Variants in SEZ6L observed in about 807,000 individuals in gnomAD.
SEZ6L encodes seizure 6-like protein.
Under a neutral mutation model 106.2 loss-of-function variants are expected in SEZ6L, and 37 were observed. The observed-to-expected ratio is 0.35, with a 90% CI of 0.27 to 0.46. The LOEUF (loss-of-function observed/expected upper bound fraction) is 0.46, where lower values mean the gene tolerates loss of function less well. Ranked by LOEUF, SEZ6L falls within the 20% of genes least tolerant of loss-of-function variation. The probability of loss-of-function intolerance (pLI) is 1.00; values close to 1 mark genes in which losing one functional copy is unlikely to be tolerated. For synonymous variants in SEZ6L, 541 were observed against 570.4 expected (o/e 0.95, Z 0.73); for missense variants, 1,172 against 1,332.8 (o/e 0.88, Z 1.88).
intron 1 of SEZ6L, among the ~76,000 whole-genome samples, chr22:26,247,225 A>G (rs1415926743): frequency 2.0e-5 from 3 of 152,020 alleles, no homozygotes; most frequent in Non-Finnish European, 4.4e-5. Flanking sequence ...AAAATCACTA[A>G]AATAGGCATG....
chr22:26,169,901 C>T, intron 1 of SEZ6L, 138 bp downstream of exon 1: 1 of 402,908 alleles, frequency 2.5e-6, no homozygotes, highest in Non-Finnish European at 4.3e-6. Context: ...AAAATCGGGG[C>T]TAGGAACCGC....
intron 9 of SEZ6L, among the ~76,000 whole-genome samples, chr22:26,326,816 G>A (rs2082318506): frequency 1.3e-5 from 2 of 152,334 alleles, no homozygotes; most frequent in South Asian, 4.1e-4. Flanking sequence ...GGAGGCAGAG[G>A]GGCAGCAGCA....
At position 26,310,814 on chromosome 22, in the gene SEZ6L, C is replaced by T. The variant is rs140029399; in HGVS notation, c.1659C>T (p.Ser553=). The T allele has an allele frequency of 3.7e-3, 5,949 of 1,614,064 alleles. 38 individuals carry two copies. The highest frequency in any genetic ancestry group is 0.018 in the Middle Eastern group (107 of 6,062). Residue 553 remains serine (S), a synonymous_variant, in exon 7 of 17, where the codon TCC becomes TCT. Transcript: ENST00000248933. ...EFTSDQARAA[S]TFNIRFEAFE... is the part of the protein sequence containing the mutation. ...CGTCCGACCAGGCCCGGGCGGCCTC[C>T]ACCTTCAACATCCGATTTGAAGGTG... is the stretch of plus-strand genomic sequence containing the variant.
intron 6 of SEZ6L, among the ~76,000 whole-genome samples, chr22:26,308,402 A>G (rs2081706523): frequency 6.6e-6 from 1 of 150,678 alleles, no homozygotes; most frequent in South Asian, 2.1e-4. Context: ...TTGGGGTTAT[A>G]TCCTGAAGGA....
intron 11 of SEZ6L, among the ~76,000 whole-genome samples, chr22:26,348,616 GAAAGAAAGAA>G (rs2083109834): frequency 4.8e-5 from 1 of 20,836 alleles, no homozygotes; most frequent in African/African-American, 3.6e-4. Flanking sequence ...AAGAGAAAAA[GAAAGAAAGAA>G]AGAAAGAAAG....
At position 26,369,341 on chromosome 22, in the gene SEZ6L, C is replaced by CTTTTTTTTTTTTTT. The variant is rs199641007; in HGVS notation, c.2794+3779_2794+3780insTTTTTTTTTTTTTT. Among the ~76,000 whole-genome samples, 394 of 103,484 alleles carry CTTTTTTTTTTTTTT rather than the reference C, an allele frequency of 3.8e-3. 68 individuals carry two copies. Among genetic ancestry groups the CTTTTTTTTTTTTTT allele is most frequent in the Middle Eastern group, 0.013 (3 of 230 alleles). 67.9% of individuals were successfully genotyped at this position (103,484 alleles called of 152,430 possible). Reference sequence around the variant, plus strand: ...ATGACAATGACTTATATAAGCAGTTCTTTTGTTTTTTTTTTTGAGACAGAT... The same window carrying CTTTTTTTTTTTTTT: ...ATGACAATGACTTATATAAGCAGTTCTTTTTTTTTTTTTTTTTTGTTTTTTTTTTTGAGACAGAT... On this transcript the variant is annotated intron_variant, in intron 13 of 16. Coordinates refer to ENST00000248933, the MANE Select transcript of SEZ6L (RefSeq NM_021115.5).
chr22:26,276,990 T>A (rs1056225784), intron 1 of SEZ6L, among the ~76,000 whole-genome samples: 6 of 152,126 alleles, frequency 3.9e-5, no homozygotes, highest in African/African-American at 7.2e-5. Context: ...CATAAAAGAA[T>A]GTTCAAGGCT....
At chr22:26,312,633 C>T (rs1450948727) in intron 8 of SEZ6L, among the ~76,000 whole-genome samples, 1 of 152,222 alleles carries the variant, frequency 6.6e-6, no homozygotes, top group African/African-American at 2.4e-5. Context: ...GAGACAGAGA[C>T]TCGCTCGGCT....
rs761274344 is a variant in SEZ6L at position 26,292,741 on chromosome 22, A to G, written c.430A>G (p.Arg144Gly). The change falls in exon 2 of 17, where the codon AGG becomes GGG. Residue 144 changes from arginine (R) to glycine (G), a missense_variant. By Grantham distance (125) the Arg-to-Gly change is moderately radical (BLOSUM62 -2). This residue lies in a region of SEZ6L where 494 missense variants were observed against 445.8 expected (regional missense o/e 1.11). Transcript: ENST00000248933. Reference sequence around the variant, plus strand: ...GGCCACCTCCGCAGCCACTGTCCAAAGGGCAGGGTCCCAGCCAGCGTCCCA... The same window carrying G: ...GGCCACCTCCGCAGCCACTGTCCAAGGGGCAGGGTCCCAGCCAGCGTCCCA... ...PKATSAATVQ[R>G]AGSQPASQGL... 1.9e-6 allele frequency: 3 copies of G among 1,614,050 alleles called. No individual in the cohort carries two copies. The highest frequency in any genetic ancestry group is 2.2e-5 in the East Asian group (1 of 44,872).
chr22:26,356,283 A>C (rs1174133005), intron 12 of SEZ6L, among the ~76,000 whole-genome samples: 1 of 152,230 alleles, frequency 6.6e-6, no homozygotes, highest in Non-Finnish European at 1.5e-5. Flanking sequence ...TTCACAGCAT[A>C]GTAGCCATTT....
At chr22:26,307,573 G>A (rs1019461484) in intron 6 of SEZ6L, among the ~76,000 whole-genome samples, 5 of 151,832 alleles carry the variant, frequency 3.3e-5, no homozygotes, top group East Asian at 1.9e-4. Context: ...ACTCTATATC[G>A]ATAAATTGCT....
chr22:26,208,830 T>C (rs891169558), intron 1 of SEZ6L, among the ~76,000 whole-genome samples: 1 of 150,670 alleles, frequency 6.6e-6, no homozygotes, highest in Non-Finnish European at 1.5e-5. Context: ...TCTGTTTTTT[T>C]CTACTTCTTG....
intron 1 of SEZ6L, among the ~76,000 whole-genome samples, chr22:26,191,554 G>A (rs1940213421): frequency 6.6e-6 from 1 of 151,046 alleles, no homozygotes; most frequent in East Asian, 2.0e-4. Context: ...ATGGACACAT[G>A]GTGGAGAACA....
chr22:26,292,220 A>G lies in SEZ6L; in HGVS notation c.95-186A>G, dbSNP rs983372835. 4.8e-5 allele frequency: 26 copies of G among 541,968 alleles called. No individual in the cohort carries two copies. The South Asian group carries it at 6.4e-4, about 13-fold the overall frequency. 33.6% of individuals were successfully genotyped at this position (541,968 alleles called of 1,614,324 possible). A position where few individuals can be genotyped will look rare whatever the true frequency, so the allele number is the denominator to read the frequency against. On this transcript the variant is annotated intron_variant, in intron 1 of 16. Coordinates refer to ENST00000248933, the MANE Select transcript of SEZ6L (RefSeq NM_021115.5). ...GGAGGAAAAGAAGGAAGAAAAGAGA[A>G]AGAGGGAGAGAGGGAAGGAGGAGAA...
intron 1 of SEZ6L, among the ~76,000 whole-genome samples, chr22:26,227,105 C>T (rs749622241): frequency 5.9e-5 from 9 of 152,260 alleles, no homozygotes; most frequent in Non-Finnish European, 1.3e-4. Flanking sequence ...TTGTTCCCCA[C>T]GCATCCCCAG....
rs1374250696 is a variant in SEZ6L at position 26,351,081 on chromosome 22, G to T, written c.2437G>T (p.Asp813Tyr). 6.2e-7 allele frequency: 1 copy of T among 1,614,122 alleles called. No homozygotes were observed. The highest frequency in any genetic ancestry group is 1.3e-5 in the African/African-American group (1 of 75,042). Reference protein sequence around the residue: ...IMYCTDPGEVDHSTRLISDPV... With the variant: ...IMYCTDPGEVYHSTRLISDPV... ...GTACTGCACCGACCCCGGAGAGGTG[G>T]ATCACTCGACCCGCTTAATTTCGGA... is the stretch of plus-strand genomic sequence containing the variant. Residue 813 changes from aspartate (D) to tyrosine (Y), a missense_variant, in exon 12 of 17, where the codon GAT becomes TAT. Physicochemically the swap from Asp to Tyr is radical, Grantham distance 160 (BLOSUM62 -3). Coordinates refer to ENST00000248933, the MANE Select transcript of SEZ6L (RefSeq NM_021115.5).
intron 13 of SEZ6L, among the ~76,000 whole-genome samples, chr22:26,370,018 A>C (rs527259121): frequency 6.6e-6 from 1 of 152,346 alleles, no homozygotes; most frequent in Admixed American, 6.5e-5. Flanking sequence ...TGTCACATGG[A>C]CATTAATAGA....
At chr22:26,365,337 C>T (rs1210300906) in intron 12 of SEZ6L, 35 bp from the exon 13 acceptor site, 2 of 1,564,500 alleles carry the variant, frequency 1.3e-6, no homozygotes, top group Non-Finnish European at 1.7e-6. Flanking sequence ...AGATTTGCAT[C>T]ATCTCATCAG....
chr22:26,349,826 G>C (rs2083212623), intron 11 of SEZ6L, among the ~76,000 whole-genome samples: 1 of 152,034 alleles, frequency 6.6e-6, no homozygotes, highest in Non-Finnish European at 1.5e-5. Context: ...TTTTTTTTCA[G>C]CTCAGAAATG....
Sources: allele counts gnomAD v4.1 joint callset (sites outside exome capture counted in the v4.1 genomes callset), GRCh38; gene constraint gnomAD v4.1.1; regional missense constraint gnomAD v4.1.1; transcripts MANE v1.5; gene names NCBI Gene and HGNC (gene_info 2026-07-23, HGNC 2026-07-21).